EFCAB12: variants seen among roughly 807,000 people sequenced by gnomAD.
EFCAB12 encodes the protein EF-hand calcium-binding domain-containing protein 12.
Under a neutral mutation model 53.6 loss-of-function variants are expected in EFCAB12, and 43 were observed. That is an observed-to-expected ratio of 0.80 (90% CI 0.63 to 1.03). The LOEUF is 1.03. Among genes scored for constraint, EFCAB12 ranks in the 50% least tolerant of loss-of-function variants. The probability of loss-of-function intolerance (pLI) is 0.00; values close to 1 mark genes in which losing one functional copy is unlikely to be tolerated. For synonymous variants in EFCAB12, 269 were observed against 289.2 expected, an observed-to-expected ratio of 0.93 and a Z score of 0.71; for missense variants, 646 against 730.6, an observed-to-expected ratio of 0.88 and a Z score of 1.34.
chr3:129,428,126 C>T (rs2072293584), intron 1 of EFCAB12, among the ~76,000 whole-genome samples: 1 of 152,160 alleles, frequency 6.6e-6, no homozygotes, highest in African/African-American at 2.4e-5. Context: ...ACTTGGTCCC[C>T]AGCACATTAC....
Position 129,415,322 on chromosome 3 carries a change from G to A in EFCAB12, c.761C>T (p.Thr254Ile), listed in dbSNP as rs1333980977. The A allele has an allele frequency of 3.7e-6, 6 of 1,613,650 alleles. No individual in the cohort carries two copies. The South Asian group carries it at 4.4e-5, about 12-fold the overall frequency. ...LSSLGKHNTI[T>I]MDILANTYKQ... ...GTAGGTATTGGCCAGGATATCCATG[G>A]TGATGGTGTTGTGCTTCCCAAGAGA... Residue 254 changes from threonine to isoleucine, a missense_variant, in exon 4 of 9, where the codon ACC becomes ATC. By Grantham distance (89) the Thr-to-Ile change is moderately conservative. Coordinates refer to ENST00000505956, the MANE Select transcript of EFCAB12 (RefSeq NM_207307.3).
intron 1 of EFCAB12, among the ~76,000 whole-genome samples, chr3:129,422,758 A>G (rs2072205778): frequency 6.6e-6 from 1 of 152,074 alleles, no homozygotes; most frequent in Non-Finnish European, 1.5e-5. Context: ...TTTCAATCTG[A>G]GCTACTTTGG....
At chr3:129,418,184 G>C in intron 3 of EFCAB12, 70 bp downstream of exon 3, 1 of 1,407,566 alleles carries the variant, frequency 7.1e-7, no homozygotes, top group Middle Eastern at 1.9e-4. Context: ...GAGGGGCGGG[G>C]GTGGCAAAGA....
chr3:129,407,809 G>A (rs2071972627), intron 6 of EFCAB12, among the ~76,000 whole-genome samples: 2 of 152,188 alleles, frequency 1.3e-5, no homozygotes. Context: ...AGCTACTCAG[G>A]AGGCCAAGGC....
At chr3:129,424,461 G>GA (rs1272957755) in intron 1 of EFCAB12, among the ~76,000 whole-genome samples, 4 of 152,222 alleles carry the variant, frequency 2.6e-5, no homozygotes, top group African/African-American at 7.2e-5. Flanking sequence ...CTCCTTCTTG[G>GA]GTTATGTAAG....
In EFCAB12 at chr3:129,401,605, G is replaced by A. The variant is rs1164465191; in HGVS notation, c.1707C>T (p.Tyr569=). The change falls in exon 9 of 9, where the codon TAC becomes TAT. Residue 569 remains tyrosine, a synonymous_variant. Coordinates refer to ENST00000505956, the MANE Select transcript of EFCAB12 (RefSeq NM_207307.3). ...CACCTGGCTAGCTCTAGTTGATGTAGTACACCTTGGCGGCATCATAATGGG... is the reference window on the plus strand; with the variant it reads ...CACCTGGCTAGCTCTAGTTGATGTAATACACCTTGGCGGCATCATAATGGG... ...THAHYDAAKV[Y]YIN 2 of 1,554,000 alleles carry A rather than the reference G, an allele frequency of 1.3e-6. No individual in the cohort carries two copies. Among genetic ancestry groups the A allele is most frequent in the Non-Finnish European group, 1.7e-6 (2 of 1,145,660 alleles).
At chr3:129,427,339 G>A (rs1347181719) in intron 1 of EFCAB12, among the ~76,000 whole-genome samples, 1 of 149,750 alleles carries the variant, frequency 6.7e-6, no homozygotes, top group Admixed American at 6.6e-5. Flanking sequence ...TTGTCTTTGT[G>A]CCCCTTCCCC....
intron 1 of EFCAB12, among the ~76,000 whole-genome samples, chr3:129,426,811 G>A (rs941356169): frequency 2.7e-5 from 4 of 150,940 alleles, no homozygotes; most frequent in African/African-American, 9.8e-5. Context: ...TGAGTAGCTG[G>A]GACTACAGGT....
intron 5 of EFCAB12, among the ~76,000 whole-genome samples, chr3:129,410,298 C>G (rs556347540): frequency 6.6e-6 from 1 of 151,770 alleles, no homozygotes; most frequent in South Asian, 2.1e-4. Context: ...GCATGAGCCA[C>G]TGCACCTGGC....
intron 1 of EFCAB12, among the ~76,000 whole-genome samples, chr3:129,425,478 C>G (rs1303152086): frequency 1.3e-5 from 2 of 151,994 alleles, no homozygotes; most frequent in African/African-American, 4.8e-5. Context: ...CTTCCTGGCT[C>G]TGGGTTTTCA....
Position 129,401,434 on chromosome 3 carries a change from A to G in EFCAB12, c.*159T>C, listed in dbSNP as rs1488814768. The stretch of plus-strand genomic sequence containing the variant: ...ACACATCTACCCTCTGAGACACTGG[A>G]CACTTTGAGTCCAGAGGGAACTGGC... On this transcript the variant is annotated 3_prime_UTR_variant, in exon 9 of 9. Transcript: ENST00000505956. The G allele has an allele frequency of 2.0e-6, 2 of 1,013,244 alleles. No individual in the cohort carries two copies. The highest frequency in any genetic ancestry group is 1.4e-6 in the Non-Finnish European group (1 of 716,896). 62.8% of individuals were successfully genotyped at this position (1,013,244 alleles called of 1,614,324 possible).
chr3:129,409,461 G>A (rs1379237594), intron 5 of EFCAB12, among the ~76,000 whole-genome samples: 1 of 151,984 alleles, frequency 6.6e-6, no homozygotes, highest in Non-Finnish European at 1.5e-5. Flanking sequence ...AAGAAAAGAA[G>A]AGAAGAAAAG....
chr3:129,420,961 A>C (rs1168636517), intron 2 of EFCAB12, among the ~76,000 whole-genome samples: 1 of 152,238 alleles, frequency 6.6e-6, no homozygotes, highest in Non-Finnish European at 1.5e-5. Context: ...GGAGAGGTCC[A>C]TGTGGGGAGG....
At chr3:129,410,583 G>A (rs925181422) in intron 5 of EFCAB12, among the ~76,000 whole-genome samples, 8 of 152,112 alleles carry the variant, frequency 5.3e-5, no homozygotes, top group Non-Finnish European at 1.0e-4. Context: ...CTCTCAAAGC[G>A]CTGGGCTAAC....
Position 129,402,688 on chromosome 3 carries a change from C to T in EFCAB12, c.1404-109G>A, listed in dbSNP as rs959144863. 102 of 1,063,502 alleles carry T rather than the reference C, an allele frequency of 9.6e-5. 1 individual carries two copies. Among genetic ancestry groups the T allele is most frequent in the South Asian group, 5.3e-4 (32 of 60,758 alleles). 65.9% of individuals were successfully genotyped at this position (1,063,502 alleles called of 1,614,324 possible). On this transcript the variant is annotated intron_variant, in intron 7 of 8. Transcript: ENST00000505956. ...GGTGGACCCGTTTCTAAGTCTCAAACGAGAGCTCTGAAAGAAAAATGTCTT... is the reference window on the plus strand; with the variant it reads ...GGTGGACCCGTTTCTAAGTCTCAAATGAGAGCTCTGAAAGAAAAATGTCTT...
intron 1 of EFCAB12, among the ~76,000 whole-genome samples, chr3:129,426,719 C>T (rs2072277418): frequency 1.3e-5 from 2 of 152,024 alleles, no homozygotes; most frequent in South Asian, 4.1e-4. Flanking sequence ...CTCTGTTCCC[C>T]AAGCTGGAGT....
At chr3:129,422,116 G>C (rs1230466173) in intron 1 of EFCAB12, among the ~76,000 whole-genome samples, 2 of 152,082 alleles carry the variant, frequency 1.3e-5, no homozygotes, top group Non-Finnish European at 2.9e-5. Context: ...GATCATCTGA[G>C]GCAGCACAGT....
chr3:129,414,294 TGA>T (rs946078114), intron 4 of EFCAB12: 2 of 152,250 alleles, frequency 1.3e-5, no homozygotes, highest in African/African-American at 4.8e-5. Context: ...GCCACTCCAG[TGA>T]GGATGCTGAG....
At position 129,421,551 on chromosome 3, in the gene EFCAB12, T is replaced by C; in HGVS notation, c.302A>G (p.Asp101Gly). 3.7e-6 allele frequency: 6 copies of C among 1,614,020 alleles called. No individual in the cohort carries two copies. Among genetic ancestry groups the C allele is most frequent in the Non-Finnish European group, 5.1e-6 (6 of 1,179,874 alleles). Reference protein sequence around the residue: ...EARDIQEQPEDRKTWLSQRSK... With the variant: ...EARDIQEQPEGRKTWLSQRSK... ...CCTCTGGCTCAGCCAGGTCTTCCTG[T>C]CCTCTGGCTGCTCTTGGATATCTCT... Residue 101 changes from aspartate to glycine, a missense_variant, in exon 2 of 9, where the codon GAC becomes GGC. By Grantham distance (94) the Asp-to-Gly change is moderately conservative. Coordinates refer to ENST00000505956, the MANE Select transcript of EFCAB12 (RefSeq NM_207307.3).
Sources: gnomAD v4.1 joint callset for allele counts (sites outside exome capture counted in the v4.1 genomes callset) on GRCh38, gnomAD v4.1.1 for gene constraint, MANE v1.5 for transcripts, NCBI Gene and HGNC (gene_info 2026-07-23, HGNC 2026-07-21) for gene names.